LRRIQ1: variants seen among roughly 807,000 people sequenced by gnomAD.
LRRIQ1 encodes the protein leucine rich repeats and IQ motif containing 1.
LRRIQ1 carries 210 observed loss-of-function variants against 211.9 expected under a neutral mutation model. The ratio of observed to expected loss-of-function variants is 0.99; its 90% confidence interval spans 0.89 to 1.11. The LOEUF is 1.11. Ranked by LOEUF, LRRIQ1 falls within the 50% of genes most tolerant of loss-of-function variation. The pLI, the probability that LRRIQ1 is intolerant of heterozygous loss-of-function variation, is 0.00. For missense variants in LRRIQ1, 2,136 were observed against 1,939.5 expected (o/e 1.10, Z -1.90); for synonymous variants, 699 against 650.1 (o/e 1.08, Z -1.14).
downstream of LRRIQ1, among the ~76,000 whole-genome samples, chr12:85,247,678 G>C (rs1895771225): frequency 2.6e-5 from 4 of 151,302 alleles, no homozygotes; most frequent in Non-Finnish European, 5.9e-5. Context: ...GGTATTATAG[G>C]GTCCTAAAGA....
chr12:85,084,096 T>G (rs1884580326), intron 11 of LRRIQ1, among the ~76,000 whole-genome samples: 1 of 152,166 alleles, frequency 6.6e-6, no homozygotes, highest in African/African-American at 2.4e-5. Flanking sequence ...AAAAATAGAT[T>G]TTCATATTTG....
intron 15 of LRRIQ1, among the ~76,000 whole-genome samples, chr12:85,119,099 A>G (rs1193174389): frequency 6.6e-6 from 1 of 152,128 alleles, no homozygotes; most frequent in African/African-American, 2.4e-5. Flanking sequence ...GTATAATTAC[A>G]TGTATCCACT....
chr12:85,169,986 A>G (rs1259985489), intron 24 of LRRIQ1, among the ~76,000 whole-genome samples: 1 of 152,126 alleles, frequency 6.6e-6, no homozygotes, highest in Non-Finnish European at 1.5e-5. Context: ...ATTTAGTAAT[A>G]CAAGGTTTGA....
intron 15 of LRRIQ1, among the ~76,000 whole-genome samples, chr12:85,114,598 T>C (rs1887438822): frequency 6.6e-6 from 1 of 152,202 alleles, no homozygotes; most frequent in Admixed American, 6.5e-5. Context: ...ATATTCACAT[T>C]TTACTGCTTT....
At chr12:85,071,833 A>G (rs771245926) in intron 10 of LRRIQ1, among the ~76,000 whole-genome samples, 1 of 152,006 alleles carries the variant, frequency 6.6e-6, no homozygotes, top group African/African-American at 2.4e-5. Context: ...ATTCACTACC[A>G]CAAAAACAGT....
intron 26 of LRRIQ1, among the ~76,000 whole-genome samples, chr12:85,234,824 T>C (rs1299181434): frequency 6.6e-6 from 1 of 152,224 alleles, no homozygotes; most frequent in Non-Finnish European, 1.5e-5. Context: ...AAAAGACAGA[T>C]GGGTATGCAA....
intron 2 of LRRIQ1, among the ~76,000 whole-genome samples, chr12:85,040,038 A>C (rs1450519961): frequency 6.6e-6 from 1 of 151,652 alleles, no homozygotes; most frequent in African/African-American, 2.4e-5. Context: ...AAATGTGACT[A>C]AATTTGTGTA....
intron 8 of LRRIQ1, among the ~76,000 whole-genome samples, chr12:85,059,899 T>A (rs1174393861): frequency 1.3e-5 from 2 of 152,012 alleles, no homozygotes; most frequent in African/African-American, 4.8e-5. Flanking sequence ...TATCTCCTCA[T>A]TACTACCAGT....
intron 8 of LRRIQ1, among the ~76,000 whole-genome samples, chr12:85,064,006 A>G (rs554978279): frequency 6.6e-6 from 1 of 151,988 alleles, no homozygotes; most frequent in South Asian, 2.1e-4. Context: ...ATGAGGGTAC[A>G]GATAACTCTT....
chr12:85,124,726 C>T (rs1888248626), intron 17 of LRRIQ1: 2 of 483,118 alleles, frequency 4.1e-6, no homozygotes, highest in Non-Finnish European at 7.3e-6. Flanking sequence ...TGATTAAATT[C>T]TCATTTAATT....
At chr12:85,216,763 T>A (rs984229316) in intron 24 of LRRIQ1, among the ~76,000 whole-genome samples, 4 of 151,944 alleles carry the variant, frequency 2.6e-5, no homozygotes, top group Non-Finnish European at 5.9e-5. Flanking sequence ...TATTTTCAAA[T>A]TAAACGTGAA....
intron 24 of LRRIQ1, among the ~76,000 whole-genome samples, chr12:85,193,775 A>G (rs1405483734): frequency 2.7e-5 from 4 of 150,320 alleles, no homozygotes; most frequent in African/African-American, 9.8e-5. Context: ...TAACGAGCAA[A>G]ATAACCAGCT....
chr12:85,114,099 C>T (rs1166861677), intron 15 of LRRIQ1, among the ~76,000 whole-genome samples: 1 of 152,102 alleles, frequency 6.6e-6, no homozygotes, highest in Non-Finnish European at 1.5e-5. Context: ...TACTCCTAAT[C>T]TCCAAGTTTG....
At chr12:85,186,567 C>A (rs1040475912) in intron 24 of LRRIQ1, among the ~76,000 whole-genome samples, 5 of 152,092 alleles carry the variant, frequency 3.3e-5, no homozygotes, top group Non-Finnish European at 5.9e-5. Flanking sequence ...GCTATCTACC[C>A]TGCCATGGTA....
intron 26 of LRRIQ1, among the ~76,000 whole-genome samples, chr12:85,240,832 C>A (rs191938587): frequency 6.6e-6 from 1 of 151,962 alleles, no homozygotes; most frequent in Admixed American, 6.6e-5. Flanking sequence ...ATAGAGAAAA[C>A]GTGATTAGTT....
chr12:85,192,331 A>T (rs1374969517), intron 24 of LRRIQ1, among the ~76,000 whole-genome samples: 2 of 146,334 alleles, frequency 1.4e-5, no homozygotes, highest in Non-Finnish European at 3.0e-5. Context: ...TGCAAAGGAC[A>T]TGATCTCATT....
At chr12:85,144,219 G>C (rs1889738343) in intron 19 of LRRIQ1, among the ~76,000 whole-genome samples, 1 of 151,556 alleles carries the variant, frequency 6.6e-6, no homozygotes, top group Non-Finnish European at 1.5e-5. Flanking sequence ...TCCAAATCCA[G>C]AATTGAAATA....
At chr12:85,127,776 A>G in intron 17 of LRRIQ1, 56 bp from the exon 18 acceptor site, 2 of 1,474,700 alleles carry the variant, frequency 1.4e-6, no homozygotes, top group South Asian at 2.4e-5. Context: ...TTTATCTACA[A>G]CTCTGTATTT....
intron 24 of LRRIQ1, among the ~76,000 whole-genome samples, chr12:85,189,561 G>T (rs984227378): frequency 6.6e-6 from 1 of 151,826 alleles, no homozygotes; most frequent in Non-Finnish European, 1.5e-5. Flanking sequence ...AAGAGATTAA[G>T]AAGCATAAAG....
Sources: gnomAD v4.1 joint callset for allele counts (sites outside exome capture counted in the v4.1 genomes callset) on GRCh38, gnomAD v4.1.1 for gene constraint, MANE v1.5 for transcripts, NCBI Gene and HGNC (gene_info 2026-07-23, HGNC 2026-07-21) for gene names.